ATIC: variants seen among roughly 807,000 people sequenced by gnomAD.
The protein encoded by ATIC is bifunctional purine biosynthesis protein ATIC.
In ATIC, 64 loss-of-function variants were observed where a neutral mutation model predicts 72.5. The ratio of observed to expected loss-of-function variants is 0.88; its 90% CI spans 0.72 to 1.09. The LOEUF (loss-of-function observed/expected upper bound fraction) is 1.09, where lower values mean the gene tolerates loss of function less well. ATIC is among the 50% of genes least tolerant of loss of function. ATIC has a pLI of 0.00. For missense variants in ATIC, 787 were observed against 732.4 expected (o/e 1.07, Z -0.86); for synonymous variants, 281 against 267.1 (o/e 1.05, Z -0.51).
chr2:215,324,456 C>T (rs770727278), intron 4 of ATIC, among the ~76,000 whole-genome samples: 8 of 152,108 alleles, frequency 5.3e-5, no homozygotes, highest in African/African-American at 7.2e-5. Context: ...GTGAAGATAC[C>T]TAAGAGATAC....
chr2:215,335,104 T>G lies in ATIC; in HGVS notation c.1008+100T>G. On this transcript the variant is annotated intron_variant, in intron 10 of 15. Coordinates refer to ENST00000236959, the MANE Select transcript of ATIC (RefSeq NM_004044.7). ...TAACCTATAATATTTATATTTATAA[T>G]ATCTTTTAATTAGCTAAGTTTATCA... is the stretch of plus-strand genomic sequence containing the variant. The G allele has an allele frequency of 4.9e-6, 3 of 615,034 alleles. 1 individual carries two copies. Among genetic ancestry groups the G allele is most frequent in the South Asian group, 6.4e-5 (2 of 31,222 alleles). 38.1% of individuals were successfully genotyped at this position (615,034 alleles called of 1,614,324 possible). A position where few individuals can be genotyped will look rare whatever the true frequency, so the allele number is the denominator to read the frequency against.
rs2052987320 is a variant in ATIC, at chr2:215,338,979, A to G, written c.1227+72A>G. 2.5e-6 allele frequency: 4 copies of G among 1,592,954 alleles called. No homozygotes were observed. The Admixed American group carries it at 5.0e-5, about 20-fold the overall frequency. On this transcript the variant is annotated intron_variant, in intron 12 of 15. Coordinates refer to ENST00000236959, the MANE Select transcript of ATIC (RefSeq NM_004044.7). ...CTGTTTTCAATACTTAATGAGCTTTACATTTATTAAGGTCTGGATTTGGAA... is the reference window on the plus strand; with the variant it reads ...CTGTTTTCAATACTTAATGAGCTTTGCATTTATTAAGGTCTGGATTTGGAA...
chr2:215,329,770 CT>C (rs71044583), intron 7 of ATIC, among the ~76,000 whole-genome samples: 22 of 149,416 alleles, frequency 1.5e-4, no homozygotes, highest in Non-Finnish European at 2.7e-4. Flanking sequence ...ACCGGATACT[CT>C]TTTTTTTTTG....
At chr2:215,354,824 G>A in the ATIC span, among the ~76,000 whole-genome samples, 1 of 151,156 alleles carries the variant, frequency 6.6e-6, no homozygotes, top group African/African-American at 2.4e-5. Context: ...CAAGTGTTGT[G>A]GTATGTTGGC....
intron 14 of ATIC, 53 bp downstream of exon 14, chr2:215,346,994 T>A: frequency 6.3e-7 from 1 of 1,579,920 alleles, no homozygotes; most frequent in Non-Finnish European, 8.7e-7. Context: ...GTTCAACCCT[T>A]TATGTGTAAC....
At chr2:215,326,387 C>A (rs1033709242) in intron 6 of ATIC, among the ~76,000 whole-genome samples, 3 of 151,968 alleles carry the variant, frequency 2.0e-5, no homozygotes, top group Non-Finnish European at 2.9e-5. Flanking sequence ...GGCGGATCAC[C>A]TGAGGTCAGG....
chr2:215,331,130 A>C (rs752403946), intron 7 of ATIC, among the ~76,000 whole-genome samples: 13 of 152,182 alleles, frequency 8.5e-5, no homozygotes, highest in Non-Finnish European at 1.8e-4. Flanking sequence ...ACTCATTTTG[A>C]TAAATACCTA....
intron 13 of ATIC, among the ~76,000 whole-genome samples, chr2:215,346,144 CATTA>C (rs995579488): frequency 2.0e-5 from 3 of 147,936 alleles, no homozygotes; most frequent in Non-Finnish European, 3.0e-5. Context: ...TTTTTGTGGT[CATTA>C]GTTTTATTTA....
chr2:215,326,094 A>C lies in ATIC; in HGVS notation c.487A>C (p.Ser163Arg). 1 of 1,614,124 alleles carries C rather than the reference A, an allele frequency of 6.2e-7. No homozygotes were observed. The highest frequency in any genetic ancestry group is 1.3e-5 in the African/African-American group (1 of 75,040). ...GTCCACGGAGATGCAGAGCTCCGAG[A>C]GTAAGGACACCTCCTTGGAGACTAG... ...VVSTEMQSSE[S>R]KDTSLETRRQ... is the part of the protein sequence containing the mutation. Residue 163 changes from serine (S) to arginine (R), a missense_variant, in exon 6 of 16, where the codon AGT (serine) becomes CGT (arginine). By Grantham distance (110) the Ser-to-Arg change is moderately radical. Transcript: ENST00000236959.
intron 9 of ATIC, among the ~76,000 whole-genome samples, chr2:215,333,877 C>A (rs1575120724): frequency 6.6e-6 from 1 of 151,726 alleles, no homozygotes; most frequent in South Asian, 2.1e-4. Context: ...CCCGTCTCTA[C>A]TAAAAATACA....
At chr2:215,367,903 G>A in the ATIC span, 1 of 1,614,086 alleles carries the variant, frequency 6.2e-7, no homozygotes, top group Non-Finnish European at 8.5e-7. Context: ...CAAAGCCTAA[G>A]CACTGGCACA....
Position 215,325,979 on chromosome 2 carries a change from C to A in ATIC, c.380-8C>A. 1 of 1,614,008 alleles carries A rather than the reference C, an allele frequency of 6.2e-7. No homozygotes were observed. ...TACAAAAATCAATAAGTCTTTTGTT[C>A]TTCAAAGGTGGAGTAACCTTACTGA... On this transcript the variant is annotated splice_region_variant and splice_polypyrimidine_tract_variant and intron_variant, in intron 5 of 15. Transcript: ENST00000236959.
At chr2:215,348,519 T>C (rs2053095258) in intron 14 of ATIC, among the ~76,000 whole-genome samples, 1 of 152,198 alleles carries the variant, frequency 6.6e-6, no homozygotes, top group Non-Finnish European at 1.5e-5. Context: ...ACATATGTAC[T>C]TGGAATAAAC....
chr2:215,333,230 A>T, intron 8 of ATIC, 120 bp from the exon 9 acceptor site: 1 of 799,870 alleles, frequency 1.3e-6, no homozygotes, highest in Non-Finnish European at 2.2e-6. Flanking sequence ...TGTTTAATTT[A>T]GCACAGGCAC....
chr2:215,367,719 T>C, the ATIC span: 1 of 822,182 alleles, frequency 1.2e-6, no homozygotes, highest in Non-Finnish European at 2.0e-6. Flanking sequence ...ATGCAAAATA[T>C]TACTTCGAGT....
rs1281058191 is a variant in ATIC at position 215,349,698 on chromosome 2, A to G, written c.*43A>G. On this transcript the variant is annotated 3_prime_UTR_variant, in exon 16 of 16. Transcript: ENST00000236959. The stretch of plus-strand genomic sequence containing the variant: ...TTTTGGCTTGCTTATGTGTAGGTGA[A>G]CAGTCACGCCTGAAACTTTGAGGAT... The G allele has an allele frequency of 1.9e-6, 3 of 1,614,034 alleles. No individual in the cohort carries two copies. Among genetic ancestry groups the G allele is most frequent in the Non-Finnish European group, 2.5e-6 (3 of 1,179,928 alleles).
chr2:215,329,223 A>C (rs2052863662), intron 7 of ATIC, among the ~76,000 whole-genome samples: 1 of 152,136 alleles, frequency 6.6e-6, no homozygotes, highest in African/African-American at 2.4e-5. Context: ...CTTATAGTTT[A>C]TATTCTCCAT....
At chr2:215,336,180 C>A in intron 11 of ATIC, 56 bp downstream of exon 11, 2 of 1,345,262 alleles carry the variant, frequency 1.5e-6, no homozygotes, top group Non-Finnish European at 2.1e-6. Context: ...GTGTCTCTTT[C>A]TCCCTTGTTT....
At chr2:215,353,203 AC>A (rs1559283273), downstream of ATIC, among the ~76,000 whole-genome samples, 3 of 152,286 alleles carry the variant, frequency 2.0e-5, no homozygotes, top group Non-Finnish European at 4.4e-5. Context: ...AATTATTGAT[AC>A]ATTTGAGGCC....
Sources: allele counts gnomAD v4.1 joint callset (sites outside exome capture counted in the v4.1 genomes callset), GRCh38; gene constraint gnomAD v4.1.1; transcripts MANE v1.5; gene names NCBI Gene and HGNC (gene_info 2026-07-23, HGNC 2026-07-21).